The following BORCS5 variants were observed in gnomAD, a reference collection of about 807,000 sequenced individuals.
BORCS5 encodes the protein BLOC-1-related complex subunit 5.
In BORCS5, 17 loss-of-function variants were observed where a neutral mutation model predicts 22.1. The observed-to-expected ratio is 0.77, with a 90% CI of 0.53 to 1.15. The LOEUF is 1.15. Among genes scored for constraint, BORCS5 ranks in the 50% most tolerant of loss-of-function variants. The pLI, the probability that BORCS5 is intolerant of heterozygous loss-of-function variation, is 0.00. For synonymous variants in BORCS5, 117 were observed against 99.8 expected (o/e 1.17, Z -1.03); for missense variants, 247 against 253.2 (o/e 0.98, Z 0.17).
At chr12:12,361,481 G>A in intron 2 of BORCS5, 132 bp downstream of exon 2, 2 of 987,298 alleles carry the variant, frequency 2.0e-6, no homozygotes, top group South Asian at 1.7e-5. Flanking sequence ...CATCTTCTCA[G>A]TGAAGCCTTT....
intron 2 of BORCS5, among the ~76,000 whole-genome samples, chr12:12,425,355 C>T (rs1047532135): frequency 6.6e-6 from 1 of 152,160 alleles, no homozygotes; most frequent in Admixed American, 6.5e-5. Flanking sequence ...AAGATAAATT[C>T]CTGGTGCTTC....
chr12:12,458,387 A>AT (rs964914159), intron 3 of BORCS5, among the ~76,000 whole-genome samples: 1 of 151,980 alleles, frequency 6.6e-6, no homozygotes, highest in African/African-American at 2.4e-5. Flanking sequence ...CAAATTTTGG[A>AT]TTTTTTCTTA....
intron 2 of BORCS5, among the ~76,000 whole-genome samples, chr12:12,374,846 C>G (rs1170659209): frequency 6.6e-6 from 1 of 150,480 alleles, no homozygotes. Context: ...TAATCAGCTA[C>G]TGGGGAGGCT....
intron 2 of BORCS5, among the ~76,000 whole-genome samples, chr12:12,419,031 A>G (rs896647841): frequency 6.6e-6 from 1 of 151,594 alleles, no homozygotes; most frequent in African/African-American, 2.4e-5. Context: ...TGTGTATGTT[A>G]TATAGCTGTT....
At chr12:12,422,548 C>G (rs972965438) in intron 2 of BORCS5, among the ~76,000 whole-genome samples, 1 of 151,932 alleles carries the variant, frequency 6.6e-6, no homozygotes, top group African/African-American at 2.4e-5. Flanking sequence ...TTGCAGTGAG[C>G]CGAGATCGTG....
In BORCS5 at chr12:12,466,444, C is replaced by T. The variant is rs914725896; in HGVS notation, c.*668C>T. 1.3e-5 allele frequency: 2 copies of T among 152,212 alleles called. No homozygotes were observed. The highest frequency in any genetic ancestry group is 1.3e-4 in the Admixed American group (2 of 15,272). 9.4% of individuals were successfully genotyped at this position (152,212 alleles called of 1,614,324 possible). On this transcript the variant is annotated 3_prime_UTR_variant, in exon 4 of 4. Coordinates refer to ENST00000314565, the MANE Select transcript of BORCS5 (RefSeq NM_058169.6). ...TGATAACCGGTTTCCTTGATGCAGA[C>T]ATAGTTTAGCTTTCTTTGACTGCAG...
intron 2 of BORCS5, among the ~76,000 whole-genome samples, chr12:12,433,576 C>G (rs2083515937): frequency 1.3e-5 from 2 of 152,092 alleles, no homozygotes; most frequent in Non-Finnish European, 1.5e-5. Context: ...AAGATGTTTC[C>G]ATTGAGGGAA....
At chr12:12,447,568 A>G (rs926179637) in intron 3 of BORCS5, among the ~76,000 whole-genome samples, 2 of 152,094 alleles carry the variant, frequency 1.3e-5, no homozygotes, top group African/African-American at 2.4e-5. Flanking sequence ...CAGTATACCA[A>G]ATCATTAGAC....
rs1863167711 is a variant in BORCS5, at chr12:12,357,458, A to G, written c.7A>G (p.Ser3Gly). The change falls in exon 1 of 4, where the codon AGT becomes GGT. Residue 3 changes from serine (S) to glycine (G), a missense_variant. Ser to Gly is a moderately conservative substitution (Grantham distance 56). Coordinates refer to ENST00000314565, the MANE Select transcript of BORCS5 (RefSeq NM_058169.6). MG[S>G]EQSSEAESRP... ...TGCCACCGCTGTCGGCACCATGGGCAGTGAGCAGAGCTCCGAGGCCGAGAG... is the reference window on the plus strand; with the variant it reads ...TGCCACCGCTGTCGGCACCATGGGCGGTGAGCAGAGCTCCGAGGCCGAGAG... 3 of 1,610,620 alleles carry G rather than the reference A, an allele frequency of 1.9e-6. No homozygotes were observed. The highest frequency in any genetic ancestry group is 1.7e-5 in the Admixed American group (1 of 59,928).
At chr12:12,382,255 G>C (rs1292770804) in intron 2 of BORCS5, among the ~76,000 whole-genome samples, 1 of 151,274 alleles carries the variant, frequency 6.6e-6, no homozygotes, top group Admixed American at 6.6e-5. Context: ...TGAAGGAGGA[G>C]CAGGCATGTC....
chr12:12,395,973 G>C (rs1280807323), intron 2 of BORCS5, among the ~76,000 whole-genome samples: 1 of 151,924 alleles, frequency 6.6e-6, no homozygotes, highest in Non-Finnish European at 1.5e-5. Flanking sequence ...GGCAGAATGG[G>C]GAAGGGAGAT....
rs144208772 is a variant in BORCS5, at chr12:12,396,180, T to G, written c.202+34831T>G. Among the ~76,000 whole-genome samples, 981 of 152,170 alleles carry G rather than the reference T, an allele frequency of 6.4e-3. 20 individuals are homozygous for G. The highest frequency in any genetic ancestry group is 0.021 in the African/African-American group (878 of 41,490). On this transcript the variant is annotated intron_variant, in intron 2 of 3. Coordinates refer to ENST00000314565, the MANE Select transcript of BORCS5 (RefSeq NM_058169.6). ...TTTTTGTATTTTTAGTAGAGATGGGTTTCATCATGTTGGCCAGGCTGGTTT... is the reference window on the plus strand; with the variant it reads ...TTTTTGTATTTTTAGTAGAGATGGGGTTCATCATGTTGGCCAGGCTGGTTT...
At chr12:12,371,962 C>G (rs909470234) in intron 2 of BORCS5, among the ~76,000 whole-genome samples, 2 of 152,144 alleles carry the variant, frequency 1.3e-5, no homozygotes, top group African/African-American at 4.8e-5. Flanking sequence ...AGATTCTCCC[C>G]CTTAAATGTC....
rs568844847 is a variant in BORCS5, at chr12:12,448,269, G to A, written c.360+12484G>A. On this transcript the variant is annotated intron_variant, in intron 3 of 3. Transcript: ENST00000314565. The stretch of plus-strand genomic sequence containing the variant: ...TGCTCTTTGTGGCCCAGGCTGGAGT[G>A]CAGTGGTGCAATCTCGGCTCACTGC... Among the ~76,000 whole-genome samples the A allele has an allele frequency of 1.9e-3, 295 of 152,212 alleles. 2 individuals are homozygous for A. The highest frequency in any genetic ancestry group is 6.8e-3 in the African/African-American group (283 of 41,516).
rs919967054 is a variant in BORCS5 at position 12,357,143 on chromosome 12, C to T, written c.-309C>T. 17 of 1,533,280 alleles carry T rather than the reference C, an allele frequency of 1.1e-5. No homozygotes were observed. Among genetic ancestry groups the T allele is most frequent in the Admixed American group, 3.9e-5 (2 of 50,790 alleles). The allele number at this position is 1,533,280 out of a possible 1,614,324, so 95.0% of individuals were successfully genotyped here. A position where few individuals can be genotyped will look rare whatever the true frequency, so the allele number is the denominator to read the frequency against. On this transcript the variant is annotated 5_prime_UTR_variant, in exon 1 of 4. Transcript: ENST00000314565. The stretch of plus-strand genomic sequence containing the variant: ...AGTGAGTGAAAGCGGCGCCGCCCGC[C>T]GGCCGCAGGTGCGGCAAAGCCAGTG...
chr12:12,450,541 T>G (rs1942888414), intron 3 of BORCS5, among the ~76,000 whole-genome samples: 1 of 152,244 alleles, frequency 6.6e-6, no homozygotes, highest in Non-Finnish European at 1.5e-5. Flanking sequence ...AACACCAAAG[T>G]GTTTTTCCAT....
At chr12:12,443,345 T>C (rs950746132) in intron 3 of BORCS5, among the ~76,000 whole-genome samples, 2 of 152,206 alleles carry the variant, frequency 1.3e-5, no homozygotes, top group Non-Finnish European at 2.9e-5. Flanking sequence ...TATGTTCCCA[T>C]AGAATGTCAC....
At chr12:12,359,027 A>G (rs1863214363) in intron 1 of BORCS5, among the ~76,000 whole-genome samples, 1 of 152,178 alleles carries the variant, frequency 6.6e-6, no homozygotes, top group South Asian at 2.1e-4. Context: ...TACCTTCTAG[A>G]GCATAAAACA....
At chr12:12,444,082 A>G (rs572412366) in intron 3 of BORCS5, among the ~76,000 whole-genome samples, 7 of 152,262 alleles carry the variant, frequency 4.6e-5, no homozygotes, top group Non-Finnish European at 8.8e-5. Flanking sequence ...ACATTGCTGC[A>G]GTGCCTAGAA....
Sources: gnomAD v4.1 joint callset for allele counts (sites outside exome capture counted in the v4.1 genomes callset) on GRCh38, gnomAD v4.1.1 for gene constraint, MANE v1.5 for transcripts, NCBI Gene and HGNC (gene_info 2026-07-23, HGNC 2026-07-21) for gene names.